Variants in SDK1 observed in about 807,000 individuals in gnomAD.
SDK1 encodes the protein protein sidekick-1.
A neutral mutation model predicts 245.5 loss-of-function variants in SDK1; 157 were observed. That is an observed-to-expected ratio of 0.64 (90% CI 0.56 to 0.73). The LOEUF (loss-of-function observed/expected upper bound fraction) is 0.73. SDK1 is among the 30% of genes least tolerant of loss of function. The pLI, the probability that SDK1 is intolerant of heterozygous loss-of-function variation, is 0.00. For synonymous variants in SDK1, 1,647 were observed against 1,278.5 expected (o/e 1.29, Z -6.15); for missense variants, 3,583 against 3,002.3 (o/e 1.19, Z -4.52).
At chr7:3,967,101 G>A (rs1424696772) in intron 9 of SDK1, among the ~76,000 whole-genome samples, 3 of 152,104 alleles carry the variant, frequency 2.0e-5, no homozygotes, top group East Asian at 1.9e-4. Flanking sequence ...CTATTACATC[G>A]TGACGCTGTA....
At chr7:3,346,540 G>C (rs973685631) in intron 1 of SDK1, among the ~76,000 whole-genome samples, 2 of 151,286 alleles carry the variant, frequency 1.3e-5, no homozygotes, top group African/African-American at 4.9e-5. Flanking sequence ...AATAGTCAAG[G>C]TCTCACTCTG....
intron 5 of SDK1, among the ~76,000 whole-genome samples, chr7:3,939,831 C>G (rs1428499390): frequency 6.6e-6 from 1 of 152,198 alleles, no homozygotes; most frequent in African/African-American, 2.4e-5. Flanking sequence ...CTCTTAATTC[C>G]TTTGCTAGGC....
intron 4 of SDK1, among the ~76,000 whole-genome samples, chr7:3,780,799 G>C (rs777758208): frequency 6.6e-6 from 1 of 152,000 alleles, no homozygotes; most frequent in African/African-American, 2.4e-5. Flanking sequence ...GCTTGATCTA[G>C]AAAGTCAAGC....
chr7:4,176,795 C>T (rs183591151), intron 34 of SDK1, among the ~76,000 whole-genome samples: 4 of 152,300 alleles, frequency 2.6e-5, no homozygotes, highest in East Asian at 1.9e-4. Context: ...GGTCCAAGCA[C>T]GTGAGAGCAG....
chr7:3,426,216 G>C (rs1337485036), intron 1 of SDK1, among the ~76,000 whole-genome samples: 2 of 152,194 alleles, frequency 1.3e-5, no homozygotes, highest in Non-Finnish European at 2.9e-5. Flanking sequence ...CTGTAGTGCA[G>C]TCGTGTAGTA....
At chr7:3,595,477 T>G (rs1039040310) in intron 1 of SDK1, among the ~76,000 whole-genome samples, 2 of 152,144 alleles carry the variant, frequency 1.3e-5, no homozygotes, top group South Asian at 4.1e-4. Flanking sequence ...TTCTCATTTT[T>G]GAAACAGAAA....
At chr7:4,153,862 T>A (rs1780551838) in intron 30 of SDK1, among the ~76,000 whole-genome samples, 3 of 151,812 alleles carry the variant, frequency 2.0e-5, no homozygotes, top group Admixed American at 2.0e-4. Context: ...TTTTTTTTTT[T>A]TAGAAATGGG....
At chr7:4,029,598 A>C (rs1389957366) in intron 17 of SDK1, among the ~76,000 whole-genome samples, 1 of 152,136 alleles carries the variant, frequency 6.6e-6, no homozygotes. Context: ...ATTGGGTAAT[A>C]GGTCATTAGA....
intron 1 of SDK1, among the ~76,000 whole-genome samples, chr7:3,426,666 G>A (rs1014167979): frequency 6.6e-6 from 1 of 152,202 alleles, no homozygotes; most frequent in African/African-American, 2.4e-5. Flanking sequence ...GGTCAATTCT[G>A]CATTTGAATA....
chr7:3,966,437 C>T (rs1782088725), intron 9 of SDK1, among the ~76,000 whole-genome samples: 1 of 152,054 alleles, frequency 6.6e-6, no homozygotes, highest in Non-Finnish European at 1.5e-5. Flanking sequence ...CAGAGTTAGG[C>T]GAGCCCTCGC....
At chr7:3,961,505 C>G (rs1161794727) in intron 8 of SDK1, among the ~76,000 whole-genome samples, 1 of 152,184 alleles carries the variant, frequency 6.6e-6, no homozygotes, top group Non-Finnish European at 1.5e-5. Flanking sequence ...AATCCACTTT[C>G]TCTTTAGGGA....
chr7:3,511,093 T>G (rs1010481017), intron 1 of SDK1, among the ~76,000 whole-genome samples: 1 of 152,154 alleles, frequency 6.6e-6, no homozygotes, highest in African/African-American at 2.4e-5. Context: ...GGGGCATCTT[T>G]GAGAGTAGAG....
chr7:4,204,692 G>A (rs565962920), intron 35 of SDK1, among the ~76,000 whole-genome samples: 29 of 152,302 alleles, frequency 1.9e-4, no homozygotes, highest in Admixed American at 5.9e-4. Context: ...CTCCTGGGCC[G>A]CAGCCCCGGC....
intron 22 of SDK1, among the ~76,000 whole-genome samples, chr7:4,090,837 G>T (rs140414912): frequency 3.0e-3 from 452 of 152,254 alleles, no homozygotes; most frequent in African/African-American, 0.01. Flanking sequence ...ATACTGAAAA[G>T]CATTATTTCA....
chr7:3,793,160 T>G (rs576017338), intron 4 of SDK1, among the ~76,000 whole-genome samples: 2 of 152,304 alleles, frequency 1.3e-5, no homozygotes, highest in South Asian at 4.1e-4. Context: ...AAAAGTTATA[T>G]TTCCATGTAA....
At chr7:3,583,746 G>T (rs558909649) in intron 1 of SDK1, among the ~76,000 whole-genome samples, 1 of 152,194 alleles carries the variant, frequency 6.6e-6, no homozygotes, top group Admixed American at 6.5e-5. Context: ...TTGGCAGGAA[G>T]ACTGCGTCCA....
chr7:4,164,667 C>T (rs1344042530), intron 32 of SDK1, among the ~76,000 whole-genome samples: 3 of 152,218 alleles, frequency 2.0e-5, no homozygotes, highest in African/African-American at 7.2e-5. Flanking sequence ...GGCTGGGATG[C>T]GTCACCTCCT....
At chr7:4,241,699 C>T (rs769781104) in intron 42 of SDK1, 94 bp from the exon 43 acceptor site, 24 of 1,519,074 alleles carry the variant, frequency 1.6e-5, no homozygotes, top group Non-Finnish European at 2.2e-5. Context: ...TGCAGCAGGA[C>T]TCAGGAGCTG....
chr7:4,103,906 C>T lies in SDK1; in HGVS notation c.3325-6757C>T, dbSNP rs1331014390. On this transcript the variant is annotated intron_variant, in intron 22 of 44. Transcript: ENST00000404826. ...CTTTCCAGGTCAGACGCTCTCAGTT[C>T]CAGCTCCGCAGTTCGGCTGCAAAAG... Among the ~76,000 whole-genome samples the T allele has an allele frequency of 2.0e-5, 3 of 152,256 alleles. No homozygotes were observed. In the East Asian group the frequency reaches 5.8e-4, roughly 29 times the overall value.
Sources: gnomAD v4.1 joint callset for allele counts (sites outside exome capture counted in the v4.1 genomes callset) on GRCh38, gnomAD v4.1.1 for gene constraint, MANE v1.5 for transcripts, NCBI Gene and HGNC (gene_info 2026-07-23, HGNC 2026-07-21) for gene names.